Variants in SHISA9 observed in about 807,000 individuals in gnomAD.
SHISA9 encodes shisa family member 9.
Under a neutral mutation model 38.0 loss-of-function variants are expected in SHISA9, and 13 were observed. The ratio of observed to expected loss-of-function variants is 0.34; its 90% confidence interval spans 0.22 to 0.54. SHISA9 has a LOEUF of 0.54. Ranked by LOEUF, SHISA9 falls within the 20% of genes least tolerant of loss-of-function variation. The pLI, the probability that SHISA9 is intolerant of heterozygous loss-of-function variation, is 0.91. For synonymous variants in SHISA9, 275 were observed against 242.0 expected, an observed-to-expected ratio of 1.14 and a Z score of -1.27; for missense variants, 538 against 575.8, an observed-to-expected ratio of 0.93 and a Z score of 0.67.
chr16:13,313,659 T>C, the SHISA9 span, among the ~76,000 whole-genome samples: 2 of 152,170 alleles, frequency 1.3e-5, no homozygotes, highest in Non-Finnish European at 2.9e-5. Context: ...TGTAATAACA[T>C]AGAAAAATAT....
chr16:13,533,427 T>C, the SHISA9 span, among the ~76,000 whole-genome samples: 14 of 152,314 alleles, frequency 9.2e-5, 1 homozygote, highest in East Asian at 1.7e-3. Context: ...AAAGTTCTGC[T>C]GTTTTCCCTA....
the SHISA9 span, among the ~76,000 whole-genome samples, chr16:13,504,166 A>T: frequency 6.6e-6 from 1 of 152,202 alleles, no homozygotes; most frequent in Non-Finnish European, 1.5e-5. Context: ...AAAGACCTTT[A>T]CCTTTAGCCC....
chr16:13,443,591 C>T, the SHISA9 span, among the ~76,000 whole-genome samples: 3 of 152,276 alleles, frequency 2.0e-5, no homozygotes, highest in African/African-American at 7.2e-5. Context: ...CCCCTCTGAT[C>T]AATTTTATGT....
chr16:13,082,130 G>A lies in SHISA9; in HGVS notation c.692-121264G>A, dbSNP rs183084102. Among the ~76,000 whole-genome samples the A allele has an allele frequency of 2.9e-3, 437 of 152,376 alleles. 4 individuals are homozygous for A. Among genetic ancestry groups the A allele is most frequent in the African/African-American group, 9.9e-3 (411 of 41,586 alleles). ...AAATAAAAGGACAGTGAAGCTTACA[G>A]GGTGTGAATTATTTGAAGCAGTGTG... On this transcript the variant is annotated intron_variant, in intron 2 of 4. Coordinates refer to ENST00000558583, the MANE Select transcript of SHISA9 (RefSeq NM_001145204.3).
At chr16:13,392,621 A>G in the SHISA9 span, among the ~76,000 whole-genome samples, 1 of 152,180 alleles carries the variant, frequency 6.6e-6, no homozygotes, top group African/African-American at 2.4e-5. Flanking sequence ...TGTACTCCAA[A>G]GCATAGGTCT....
chr16:13,403,022 G>T, the SHISA9 span, among the ~76,000 whole-genome samples: 3 of 152,010 alleles, frequency 2.0e-5, no homozygotes, highest in Non-Finnish European at 4.4e-5. Flanking sequence ...GGAGGCTGAG[G>T]CAGGAGAATC....
At chr16:13,470,979 T>C in the SHISA9 span, among the ~76,000 whole-genome samples, 45 of 151,774 alleles carry the variant, frequency 3.0e-4, no homozygotes, top group Middle Eastern at 0.01. Flanking sequence ...TGAGGCAGGA[T>C]AGGAGGAAAG....
intron 2 of SHISA9, among the ~76,000 whole-genome samples, chr16:13,085,555 C>T (rs983805102): frequency 1.3e-5 from 2 of 152,178 alleles, no homozygotes; most frequent in African/African-American, 4.8e-5. Flanking sequence ...TCCAAAGAAG[C>T]TATAAGGAAG....
At chr16:13,126,194 G>T (rs541631519) in intron 2 of SHISA9, among the ~76,000 whole-genome samples, 156 of 152,282 alleles carry the variant, frequency 1.0e-3, no homozygotes, top group Non-Finnish European at 1.6e-3. Flanking sequence ...TTTGGAGAGG[G>T]ATGCAGAGGC....
intron 2 of SHISA9, among the ~76,000 whole-genome samples, chr16:13,170,903 C>T (rs532623530): frequency 4.6e-5 from 7 of 152,258 alleles, no homozygotes; most frequent in Admixed American, 1.3e-4. Flanking sequence ...GTCATCCACC[C>T]GCCTTGGCCT....
At chr16:12,983,887 G>A (rs1376179217) in intron 2 of SHISA9, among the ~76,000 whole-genome samples, 1 of 152,138 alleles carries the variant, frequency 6.6e-6, no homozygotes, top group Non-Finnish European at 1.5e-5. Context: ...CTACTTTGAG[G>A]GGTTTCTGTT....
intron 2 of SHISA9, among the ~76,000 whole-genome samples, chr16:12,955,888 A>G (rs1052286857): frequency 6.6e-6 from 1 of 152,220 alleles, no homozygotes; most frequent in East Asian, 1.9e-4. Context: ...CAATGCAACA[A>G]AACAAAAAAT....
chr16:12,923,285 T>A (rs2141730582), intron 2 of SHISA9, among the ~76,000 whole-genome samples: 1 of 152,318 alleles, frequency 6.6e-6, no homozygotes, highest in African/African-American at 2.4e-5. Flanking sequence ...ATCCCAGCAC[T>A]TTGGGAGGCC....
chr16:13,403,669 A>G, the SHISA9 span, among the ~76,000 whole-genome samples: 1 of 152,234 alleles, frequency 6.6e-6, no homozygotes, highest in South Asian at 2.1e-4. Flanking sequence ...CAAGGAGGGA[A>G]ACACATTATT....
chr16:12,969,148 C>G (rs2141805112), intron 2 of SHISA9, among the ~76,000 whole-genome samples: 1 of 149,128 alleles, frequency 6.7e-6, no homozygotes, highest in East Asian at 2.0e-4. Flanking sequence ...CAGAGCAAGA[C>G]TCCATCTCAA....
chr16:13,518,325 C>G, the SHISA9 span, among the ~76,000 whole-genome samples: 1 of 152,116 alleles, frequency 6.6e-6, no homozygotes, highest in African/African-American at 2.4e-5. Flanking sequence ...AAGATGCTAT[C>G]TCAGACTAGC....
chr16:13,077,276 A>G (rs1023816966), intron 2 of SHISA9, among the ~76,000 whole-genome samples: 1 of 148,898 alleles, frequency 6.7e-6, no homozygotes, highest in African/African-American at 2.5e-5. Context: ...ATTCCTCTCT[A>G]TGTCCAGACC....
At chr16:13,461,088 C>T in the SHISA9 span, among the ~76,000 whole-genome samples, 1 of 152,156 alleles carries the variant, frequency 6.6e-6, no homozygotes, top group Non-Finnish European at 1.5e-5. Context: ...ACATCTTTGG[C>T]AAATGAAGGT....
the SHISA9 span, among the ~76,000 whole-genome samples, chr16:13,562,213 C>T: frequency 1.1e-3 from 160 of 152,322 alleles, no homozygotes; most frequent in African/African-American, 3.6e-3. Context: ...ACCCCTGGAA[C>T]AGGTATTATG....
Sources: gnomAD v4.1 joint callset for allele counts (sites outside exome capture counted in the v4.1 genomes callset) on GRCh38, gnomAD v4.1.1 for gene constraint, MANE v1.5 for transcripts, NCBI Gene and HGNC (gene_info 2026-07-23, HGNC 2026-07-21) for gene names.